The following SOX5 variants were observed in gnomAD, a reference collection of about 807,000 sequenced individuals.
The protein encoded by SOX5 is transcription factor SOX-5.
Under a neutral mutation model 92.0 loss-of-function variants are expected in SOX5, and 9 were observed. That is an observed-to-expected ratio of 0.10 (90% CI 0.06 to 0.17). SOX5 has a LOEUF of 0.17. Ranked by LOEUF, SOX5 falls within the 10% of genes least tolerant of loss-of-function variation. The pLI is 1.00. For missense variants in SOX5, 642 were observed against 944.5 expected (o/e 0.68, Z 4.20); for synonymous variants, 344 against 336.3 (o/e 1.02, Z -0.25).
intron 4 of SOX5, among the ~76,000 whole-genome samples, chr12:24,173,024 T>C (rs1954374420): frequency 6.6e-6 from 1 of 152,212 alleles, no homozygotes; most frequent in Non-Finnish European, 1.5e-5. Context: ...TTAAAAATCA[T>C]GTTTACTGGG....
At chr12:24,195,453 A>G (rs558109580) in intron 4 of SOX5, among the ~76,000 whole-genome samples, 55 of 152,370 alleles carry the variant, frequency 3.6e-4, no homozygotes, top group Non-Finnish European at 6.8e-4. Flanking sequence ...CACATGAAGT[A>G]GTCAAATAAT....
chr12:24,514,924 C>G (rs1021382926), intron 1 of SOX5, among the ~76,000 whole-genome samples: 1 of 152,056 alleles, frequency 6.6e-6, no homozygotes, highest in Non-Finnish European at 1.5e-5. Context: ...GGGAGAGGAT[C>G]AGGAAAAATA....
At chr12:24,117,545 A>G (rs1242702749) in intron 4 of SOX5, among the ~76,000 whole-genome samples, 1 of 152,202 alleles carries the variant, frequency 6.6e-6, no homozygotes, top group Non-Finnish European at 1.5e-5. Context: ...TCTTCACAGA[A>G]GCCAACATAT....
chr12:24,225,496 C>CG (rs1199076090), intron 3 of SOX5, among the ~76,000 whole-genome samples: 2 of 143,326 alleles, frequency 1.4e-5, no homozygotes, highest in African/African-American at 5.1e-5. Context: ...TTTTTTTTCC[C>CG]CACTTAGAGT....
chr12:23,998,276 G>GA (rs1309595083), intron 4 of SOX5, among the ~76,000 whole-genome samples: 3 of 151,932 alleles, frequency 2.0e-5, no homozygotes, highest in Non-Finnish European at 4.4e-5. Flanking sequence ...TTCTAAAGTT[G>GA]AAAAAATACA....
chr12:24,077,706 C>T (rs116837789), intron 4 of SOX5, among the ~76,000 whole-genome samples: 359 of 149,410 alleles, frequency 2.4e-3, no homozygotes, highest in African/African-American at 8.4e-3. Flanking sequence ...GAGACTGAAA[C>T]ATTTGAGGCA....
rs573788874 is a variant in SOX5, at chr12:24,346,526, A to T, written c.-174+22037T>A. On this transcript the variant is annotated intron_variant, in intron 2 of 4. Coordinates refer to the SOX5 transcript ENST00000446891. ...GAGTGCAGTGGCGTGATATCAGCTC[A>T]TTGCAACCTCCGCCTCCCAGATTCA... Among the ~76,000 whole-genome samples, 4 of 148,938 alleles carry T rather than the reference A, an allele frequency of 2.7e-5. No homozygotes were observed. The South Asian group carries it at 8.4e-4, about 31-fold the overall frequency.
At chr12:24,483,396 C>T (rs769355997) in intron 1 of SOX5, among the ~76,000 whole-genome samples, 37 of 152,166 alleles carry the variant, frequency 2.4e-4, no homozygotes, top group Non-Finnish European at 4.7e-4. Flanking sequence ...TTGTTTTGGG[C>T]ATCCCCATTC....
At chr12:23,658,103 T>C (rs932722234) in intron 7 of SOX5, among the ~76,000 whole-genome samples, 5 of 152,194 alleles carry the variant, frequency 3.3e-5, no homozygotes, top group African/African-American at 4.8e-5. Flanking sequence ...CATCTCACAG[T>C]TATAATGATT....
intron 4 of SOX5, among the ~76,000 whole-genome samples, chr12:24,069,669 A>G (rs1323812792): frequency 6.6e-6 from 1 of 152,194 alleles, no homozygotes; most frequent in Non-Finnish European, 1.5e-5. Context: ...AAAACTCTTG[A>G]AGCATTTTTG....
At chr12:24,007,123 A>G (rs1183915722) in intron 4 of SOX5, among the ~76,000 whole-genome samples, 1 of 122,220 alleles carries the variant, frequency 8.2e-6, no homozygotes, top group Non-Finnish European at 1.7e-5. Context: ...ACAGAGCGAG[A>G]CTCCATCTCA....
At chr12:23,542,299 T>C (rs759966127) in intron 13 of SOX5, among the ~76,000 whole-genome samples, 22 of 152,356 alleles carry the variant, frequency 1.4e-4, no homozygotes, top group Middle Eastern at 3.4e-3. Context: ...TTCTATTCTA[T>C]TTTTGTCACT....
rs1030694889 is a variant in SOX5 at position 24,226,528 on chromosome 12, C to T, written c.-76-13111G>A. Among the ~76,000 whole-genome samples the T allele has an allele frequency of 3.9e-5, 6 of 151,988 alleles. 1 individual carries two copies. The South Asian group carries it at 6.2e-4, about 16-fold the overall frequency. On this transcript the variant is annotated intron_variant, in intron 3 of 4. Coordinates refer to the SOX5 transcript ENST00000446891. ...CTCTATCCCCCAGGCTGGAGTGCAA[C>T]GGCACGATCTCGGCTTACTGCAACC...
rs1224632293 is a variant in SOX5 at position 23,563,198 on chromosome 12, A to G, written c.1488+60T>C. On this transcript the variant is annotated intron_variant, in intron 11 of 14. Transcript: ENST00000451604. ...AGAAGATGGAAATATATTTTTTTTAAAAAAGCATTAGGCAATTTAATTAAG... is the reference window on the plus strand; with the variant it reads ...AGAAGATGGAAATATATTTTTTTTAGAAAAGCATTAGGCAATTTAATTAAG... 7.4e-6 allele frequency: 10 copies of G among 1,346,586 alleles called. No individual in the cohort carries two copies. The East Asian group carries it at 2.1e-4, about 29-fold the overall frequency. The allele number at this position is 1,346,586 out of a possible 1,614,324, so 83.4% of individuals were successfully genotyped here. A position where few individuals can be genotyped will look rare whatever the true frequency, so the allele number is the denominator to read the frequency against.
chr12:24,265,744 A>C (rs1436018551), intron 3 of SOX5, among the ~76,000 whole-genome samples: 2 of 152,066 alleles, frequency 1.3e-5, no homozygotes, highest in Non-Finnish European at 2.9e-5. Context: ...TTATCTATAC[A>C]CTCTTGTTCT....
chr12:23,537,613 A>ATTGT (rs1357931607), intron 13 of SOX5, among the ~76,000 whole-genome samples: 2 of 152,222 alleles, frequency 1.3e-5, no homozygotes, highest in Non-Finnish European at 2.9e-5. Context: ...AATAACCCAA[A>ATTGT]TTGTTTTCCC....
chr12:24,516,047 T>C (rs1438424019), intron 1 of SOX5, among the ~76,000 whole-genome samples: 1 of 150,984 alleles, frequency 6.6e-6, no homozygotes, highest in Non-Finnish European at 1.5e-5. Flanking sequence ...CTTTTCCTTT[T>C]TTTTTTTTTT....
rs973054063 is a variant in SOX5 at position 24,393,893 on chromosome 12, G to T, written c.-250-25254C>A. Among the ~76,000 whole-genome samples the T allele has an allele frequency of 6.6e-6, 1 of 152,116 alleles. No homozygotes were observed. The highest frequency in any genetic ancestry group is 1.5e-5 in the Non-Finnish European group (1 of 68,010). ...AGAAAAGACTAATTTTACATAGAAT[G>T]GTTTGTATGCACACCTACATGAAGA... On this transcript the variant is annotated intron_variant, in intron 1 of 4. Coordinates refer to the SOX5 transcript ENST00000446891. This position sits in a 1 kb window ranked among gnomAD's most constrained non-coding sequence, Gnocchi z 5.0.
intron 1 of SOX5, among the ~76,000 whole-genome samples, chr12:24,504,745 T>G (rs1948555797): frequency 6.6e-6 from 1 of 152,216 alleles, no homozygotes; most frequent in Non-Finnish European, 1.5e-5. Context: ...CTTTTTCTTT[T>G]TTCAACAAAA....
Sources: allele counts gnomAD v4.1 joint callset (sites outside exome capture counted in the v4.1 genomes callset), GRCh38; gene constraint gnomAD v4.1.1; non-coding constraint Gnocchi (gnomAD v3.1); transcripts MANE v1.5; gene names NCBI Gene and HGNC (gene_info 2026-07-23, HGNC 2026-07-21).